Variants in CDH17 observed in about 807,000 individuals in gnomAD.
CDH17 encodes cadherin 17.
Under a neutral mutation model 86.3 loss-of-function variants are expected in CDH17, and 67 were observed. That is an observed-to-expected ratio of 0.78 (90% CI 0.64 to 0.95). The LOEUF (loss-of-function observed/expected upper bound fraction) is 0.95. CDH17 is among the 40% of genes least tolerant of loss of function. The pLI, the probability that CDH17 is intolerant of heterozygous loss-of-function variation, is 0.00. For missense variants in CDH17, 993 were observed against 1,017.6 expected, an observed-to-expected ratio of 0.98 and a Z score of 0.33; for synonymous variants, 367 against 366.4, an observed-to-expected ratio of 1.00 and a Z score of -0.02.
At chr8:94,172,479 CATA>C (rs1465743848) in intron 7 of CDH17, among the ~76,000 whole-genome samples, 1 of 152,058 alleles carries the variant, frequency 6.6e-6, no homozygotes, top group Non-Finnish European at 1.5e-5. Flanking sequence ...AGTACTTCTT[CATA>C]ATAATACCTT....
intron 3 of CDH17, among the ~76,000 whole-genome samples, chr8:94,188,252 AATG>A (rs1813620093): frequency 6.6e-6 from 1 of 152,184 alleles, no homozygotes; most frequent in Non-Finnish European, 1.5e-5. Context: ...ATGCTATGTA[AATG>A]ATTATTATAC....
At chr8:94,195,252 G>A (rs539146581) in intron 1 of CDH17, among the ~76,000 whole-genome samples, 10 of 152,244 alleles carry the variant, frequency 6.6e-5, no homozygotes, top group East Asian at 5.8e-4. Context: ...ATCTGCCTGC[G>A]TCGGCCTCCC....
upstream of CDH17, among the ~76,000 whole-genome samples, chr8:94,209,865 G>A (rs1244172202): frequency 6.6e-6 from 1 of 151,816 alleles, no homozygotes; most frequent in East Asian, 1.9e-4. Flanking sequence ...TGTTCATAAA[G>A]AAGTTTGGGT....
intron 15 of CDH17, among the ~76,000 whole-genome samples, chr8:94,144,319 C>G (rs1174260692): frequency 6.6e-6 from 1 of 152,030 alleles, no homozygotes; most frequent in African/African-American, 2.4e-5. Context: ...ATAATAACAT[C>G]AAAGATCACT....
intron 15 of CDH17, 113 bp downstream of exon 15, chr8:94,145,815 T>C: frequency 8.3e-7 from 1 of 1,200,334 alleles, no homozygotes; most frequent in Non-Finnish European, 1.2e-6. Context: ...ATGAACTTCC[T>C]TCCTGAAGCA....
upstream of CDH17, among the ~76,000 whole-genome samples, chr8:94,210,336 C>T (rs982744720): frequency 2.0e-5 from 3 of 150,080 alleles, no homozygotes; most frequent in Admixed American, 6.6e-5. Context: ...CTGTACATCA[C>T]TTGCTATCTC....
intron 1 of CDH17, among the ~76,000 whole-genome samples, chr8:94,198,631 T>C (rs1250982167): frequency 6.6e-6 from 1 of 152,108 alleles, no homozygotes; most frequent in Non-Finnish European, 1.5e-5. Context: ...TCCCAACTCT[T>C]CCAGCCTTAT....
At chr8:94,195,982 A>C (rs1025868865) in intron 1 of CDH17, among the ~76,000 whole-genome samples, 2 of 151,982 alleles carry the variant, frequency 1.3e-5, no homozygotes, top group African/African-American at 4.8e-5. Context: ...CGATGGTCTC[A>C]ATCTCCCGAC....
intron 3 of CDH17, among the ~76,000 whole-genome samples, chr8:94,186,983 C>G (rs1813593540): frequency 6.6e-6 from 1 of 152,200 alleles, no homozygotes; most frequent in Non-Finnish European, 1.5e-5. Flanking sequence ...CATGCTTTTT[C>G]CCATCCTGTA....
intron 17 of CDH17, 81 bp from the exon 18 acceptor site, chr8:94,128,421 T>G: frequency 1.1e-6 from 1 of 890,582 alleles, no homozygotes; most frequent in South Asian, 1.5e-5. Flanking sequence ...AGTATTGTGG[T>G]AGGAAAAAAA....
At chr8:94,171,516 C>A (rs541458917) in intron 7 of CDH17, among the ~76,000 whole-genome samples, 1 of 152,274 alleles carries the variant, frequency 6.6e-6, no homozygotes, top group East Asian at 1.9e-4. Flanking sequence ...AGAATAACTG[C>A]CAACTCCTAG....
At chr8:94,133,883 A>G (rs1291003310) in intron 15 of CDH17, among the ~76,000 whole-genome samples, 4 of 152,148 alleles carry the variant, frequency 2.6e-5, no homozygotes, top group Non-Finnish European at 5.9e-5. Context: ...GAATTTTGTC[A>G]AAGGCCTTTT....
At chr8:94,168,365 C>T (rs1389909932) in intron 9 of CDH17, among the ~76,000 whole-genome samples, 1 of 149,036 alleles carries the variant, frequency 6.7e-6, no homozygotes, top group East Asian at 2.0e-4. Flanking sequence ...TCTCGAACTC[C>T]TGGCCTCAAG....
intron 12 of CDH17, among the ~76,000 whole-genome samples, chr8:94,156,312 G>A (rs1364543094): frequency 6.6e-6 from 1 of 152,118 alleles, no homozygotes; most frequent in Non-Finnish European, 1.5e-5. Flanking sequence ...GATGACATTT[G>A]GTCTGGTTAA....
intron 14 of CDH17, among the ~76,000 whole-genome samples, chr8:94,147,547 T>C (rs1336432623): frequency 6.6e-6 from 1 of 152,160 alleles, no homozygotes; most frequent in Non-Finnish European, 1.5e-5. Context: ...TGTTTAATTC[T>C]CTTTTTTGGT....
At chr8:94,190,527 G>A (rs1813668630) in intron 2 of CDH17, among the ~76,000 whole-genome samples, 1 of 152,224 alleles carries the variant, frequency 6.6e-6, no homozygotes, top group South Asian at 2.1e-4. Flanking sequence ...CCCCACGCTG[G>A]CCTTCTCTCC....
chr8:94,194,783 G>A (rs1442062077), intron 1 of CDH17, 78 bp from the exon 2 acceptor site: 1 of 760,430 alleles, frequency 1.3e-6, no homozygotes. Flanking sequence ...AAGAATCAAT[G>A]GATGATATCC....
chr8:94,149,304 G>A (rs1474312577), intron 13 of CDH17, among the ~76,000 whole-genome samples: 1 of 152,036 alleles, frequency 6.6e-6, no homozygotes, highest in Non-Finnish European at 1.5e-5. Flanking sequence ...GAAACGTTGG[G>A]CGAGATGGGT....
chr8:94,210,226 TAAAAAAAAAAAA>T (rs71567010), upstream of CDH17, among the ~76,000 whole-genome samples: 3 of 53,458 alleles, frequency 5.6e-5, no homozygotes, highest in African/African-American at 2.1e-4. Context: ...TTTATGCGAG[TAAAAAAAAAAAA>T]AAAAAAAAAA....
Sources: allele counts gnomAD v4.1 joint callset (sites outside exome capture counted in the v4.1 genomes callset), GRCh38; gene constraint gnomAD v4.1.1; transcripts MANE v1.5; gene names NCBI Gene and HGNC (gene_info 2026-07-23, HGNC 2026-07-21).